SORCS1: variants seen among roughly 807,000 people sequenced by gnomAD.
SORCS1 encodes the protein VPS10 domain-containing receptor SorCS1.
In SORCS1, 60 loss-of-function variants were observed where a neutral mutation model predicts 146.1. That is an observed-to-expected ratio of 0.41 (90% CI 0.33 to 0.51). The LOEUF (loss-of-function observed/expected upper bound fraction) is 0.51, where lower values mean the gene tolerates loss of function less well. Ranked by LOEUF, SORCS1 falls within the 20% of genes least tolerant of loss-of-function variation. SORCS1 has a pLI of 0.21. For synonymous variants in SORCS1, 637 were observed against 584.0 expected (o/e 1.09, Z -1.31); for missense variants, 1,352 against 1,487.6 (o/e 0.91, Z 1.50).
rs114111224 is a variant in SORCS1, at chr10:106,625,611, T to C, written c.2662+3591A>G. Among the ~76,000 whole-genome samples the C allele has an allele frequency of 7.4e-3, 1,126 of 152,196 alleles. 13 individuals are homozygous for C. Among genetic ancestry groups the C allele is most frequent in the African/African-American group, 0.025 (1,038 of 41,532 alleles). The stretch of plus-strand genomic sequence containing the variant: ...TGACGTTTGCTGGTCAATAAAATGA[T>C]GGTGTGAATGGTCGAAAAACTACGT... On this transcript the variant is annotated intron_variant, in intron 19 of 25. Transcript: ENST00000263054.
the SORCS1 span, among the ~76,000 whole-genome samples, chr10:107,176,565 C>T: frequency 3.0e-3 from 456 of 152,142 alleles, 2 homozygotes; most frequent in African/African-American, 0.011. Flanking sequence ...GTCTTCAACT[C>T]CTGGTCTCAA....
chr10:106,876,731 T>C (rs1265092639), intron 2 of SORCS1, among the ~76,000 whole-genome samples: 1 of 152,194 alleles, frequency 6.6e-6, no homozygotes, highest in Non-Finnish European at 1.5e-5. Context: ...GGGAAAGAAG[T>C]CTCCAGGACT....
chr10:106,688,160 G>A, intron 10 of SORCS1, 32 bp downstream of exon 10: 2 of 1,607,638 alleles, frequency 1.2e-6, no homozygotes, highest in Non-Finnish European at 8.5e-7. Context: ...CCTCTACTGT[G>A]TGAGGCATTC....
chr10:106,736,232 T>G (rs534970360), intron 5 of SORCS1, among the ~76,000 whole-genome samples: 66 of 152,294 alleles, frequency 4.3e-4, no homozygotes, highest in Non-Finnish European at 5.6e-4. Flanking sequence ...GCCCAATAAA[T>G]GCTGCAGAGC....
intron 2 of SORCS1, among the ~76,000 whole-genome samples, chr10:106,870,525 A>T (rs1950368602): frequency 6.6e-6 from 1 of 152,194 alleles, no homozygotes; most frequent in African/African-American, 2.4e-5. Context: ...GAACCCAGAA[A>T]TAAAGCCACA....
intron 3 of SORCS1, among the ~76,000 whole-genome samples, chr10:106,824,029 C>G (rs939545312): frequency 6.6e-6 from 1 of 152,112 alleles, no homozygotes; most frequent in Admixed American, 6.5e-5. Flanking sequence ...ATGGGCCTGG[C>G]GTGGTGGCTC....
At chr10:106,743,375 C>T (rs1857494276) in intron 5 of SORCS1, among the ~76,000 whole-genome samples, 1 of 152,106 alleles carries the variant, frequency 6.6e-6, no homozygotes, top group African/African-American at 2.4e-5. Context: ...ACCACACCAC[C>T]ATCCATCTGG....
chr10:106,577,842 T>C (rs1844662119), intron 25 of SORCS1: 2 of 292,120 alleles, frequency 6.8e-6, no homozygotes, highest in Non-Finnish European at 1.3e-5. Context: ...ACACATTTAT[T>C]ACCTTGCCTC....
At position 107,069,568 on chromosome 10, in the gene SORCS1, G is replaced by T. The variant is rs538717424; in HGVS notation, c.558+94401C>A. The stretch of plus-strand genomic sequence containing the variant: ...TTTTTGTATTTTTGGTAGAGATGGG[G>T]TTTCACCATGTTGGCCAGGCTGGTC... On this transcript the variant is annotated intron_variant, in intron 1 of 25. Coordinates refer to ENST00000263054, the MANE Select transcript of SORCS1 (RefSeq NM_052918.5). 2.8e-4 allele frequency among the ~76,000 whole-genome samples: 43 copies of T among 152,006 alleles called. 1 individual carries two copies. In the East Asian group the frequency reaches 7.2e-3, roughly 25 times the overall value.
chr10:106,904,504 T>C (rs150074884), intron 2 of SORCS1, among the ~76,000 whole-genome samples: 3 of 152,032 alleles, frequency 2.0e-5, no homozygotes, highest in Non-Finnish European at 4.4e-5. Flanking sequence ...TGTGTGAGGA[T>C]TGTAGAGGAT....
intron 1 of SORCS1, among the ~76,000 whole-genome samples, chr10:107,007,646 A>G (rs7075345): frequency 0.15 from 22,892 of 152,270 alleles, 5,649 homozygotes; most frequent in African/African-American, 0.52. Flanking sequence ...GTTTTAGGGT[A>G]GTTGGTAACA....
chr10:106,989,668 C>CTG (rs1564895033), intron 1 of SORCS1, among the ~76,000 whole-genome samples: 10 of 127,220 alleles, frequency 7.9e-5, no homozygotes, highest in African/African-American at 3.1e-4. Context: ...CATATTTTTT[C>CTG]TGTTTTTTTT....
chr10:106,852,398 G>A (rs1219168637), intron 2 of SORCS1, among the ~76,000 whole-genome samples: 1 of 152,032 alleles, frequency 6.6e-6, no homozygotes, highest in Non-Finnish European at 1.5e-5. Context: ...CGAAGGCTGA[G>A]GCAGTCGCAT....
At chr10:106,603,462 GA>G (rs548429370) in intron 23 of SORCS1, among the ~76,000 whole-genome samples, 56 of 152,316 alleles carry the variant, frequency 3.7e-4, no homozygotes, top group Admixed American at 2.3e-3. Context: ...TTATTTCACA[GA>G]CAAGATAGCT....
intron 1 of SORCS1, among the ~76,000 whole-genome samples, chr10:107,046,342 G>T (rs1260423613): frequency 1.3e-5 from 2 of 152,008 alleles, no homozygotes; most frequent in African/African-American, 2.4e-5. Context: ...AAAGTACTGA[G>T]ATTACAGGCA....
chr10:106,645,942 C>A (rs1035400337), intron 18 of SORCS1, among the ~76,000 whole-genome samples: 116 of 152,044 alleles, frequency 7.6e-4, no homozygotes, highest in African/African-American at 2.7e-3. Context: ...AACAGAAATT[C>A]TTAATTTTAA....
chr10:107,102,181 C>T (rs927805408), intron 1 of SORCS1, among the ~76,000 whole-genome samples: 6 of 152,154 alleles, frequency 3.9e-5, no homozygotes, highest in African/African-American at 1.2e-4. Context: ...TAATAATAGT[C>T]ATTGCATTTT....
At chr10:106,747,661 C>A (rs1857840625) in intron 5 of SORCS1, among the ~76,000 whole-genome samples, 1 of 152,116 alleles carries the variant, frequency 6.6e-6, no homozygotes, top group East Asian at 1.9e-4. Flanking sequence ...CCCTATTTAA[C>A]CTTCAATTTG....
chr10:106,720,588 T>A lies in SORCS1; in HGVS notation c.1024+9462A>T, dbSNP rs185926259. 1.3e-3 allele frequency among the ~76,000 whole-genome samples: 202 copies of A among 152,052 alleles called. 1 individual carries two copies. Among genetic ancestry groups the A allele is most frequent in the African/African-American group, 4.7e-3 (193 of 41,472 alleles). On this transcript the variant is annotated intron_variant, in intron 6 of 25. Coordinates refer to ENST00000263054, the MANE Select transcript of SORCS1 (RefSeq NM_052918.5). ...TTTTTTTAAGTACGATGCTACTTTT[T>A]TTTTAAGCCGGAGCCAGAAACATTA...
Sources: allele counts gnomAD v4.1 joint callset (sites outside exome capture counted in the v4.1 genomes callset), GRCh38; gene constraint gnomAD v4.1.1; transcripts MANE v1.5; gene names NCBI Gene and HGNC (gene_info 2026-07-23, HGNC 2026-07-21).